Variants in UBE2E2 observed in about 807,000 individuals in gnomAD.
The protein encoded by UBE2E2 is ubiquitin conjugating enzyme E2 E2.
In UBE2E2, 6 loss-of-function variants were observed where a neutral mutation model predicts 24.7. The ratio of observed to expected loss-of-function variants is 0.24; its 90% CI spans 0.13 to 0.48. The LOEUF is 0.48. Among genes scored for constraint, UBE2E2 ranks in the 20% least tolerant of loss-of-function variants. The probability of loss-of-function intolerance (pLI) is 0.99; values close to 1 mark genes in which losing one functional copy is unlikely to be tolerated. For missense variants in UBE2E2, 169 were observed against 245.0 expected, an observed-to-expected ratio of 0.69 and a Z score of 2.07; for synonymous variants, 104 against 83.6, an observed-to-expected ratio of 1.24 and a Z score of -1.33.
intron 3 of UBE2E2, among the ~76,000 whole-genome samples, chr3:23,284,834 A>G (rs1367458654): frequency 6.6e-6 from 1 of 151,694 alleles, no homozygotes; most frequent in Non-Finnish European, 1.5e-5. Flanking sequence ...CAAGTAATCC[A>G]GTTGTACTCC....
At position 23,474,350 on chromosome 3, in the gene UBE2E2, CTGAAG is replaced by C. The variant is rs1447132672; in HGVS notation, c.228-25252_228-25248del. ...ACTCTGTGGGTTATCTGTTTACTGA[CTGAAG>C]TGAAGATTTATTTCTTACAGTCATT... On this transcript the variant is annotated intron_variant, in intron 3 of 5. Coordinates refer to ENST00000396703, the MANE Select transcript of UBE2E2 (RefSeq NM_152653.4). This position sits in a 1 kb window ranked among gnomAD's most constrained non-coding sequence, Gnocchi z 4.0. 2.0e-5 allele frequency among the ~76,000 whole-genome samples: 3 copies of C among 151,956 alleles called. No homozygotes were observed. Among genetic ancestry groups the C allele is most frequent in the Non-Finnish European group, 4.4e-5 (3 of 68,004 alleles).
At chr3:23,388,968 C>CTCCA (rs1696872134) in intron 3 of UBE2E2, among the ~76,000 whole-genome samples, 1 of 148,730 alleles carries the variant, frequency 6.7e-6, no homozygotes, top group South Asian at 2.1e-4. Flanking sequence ...TGCCACTGCA[C>CTCCA]TCCAGCCTGG....
intron 3 of UBE2E2, among the ~76,000 whole-genome samples, chr3:23,405,781 A>T (rs1336804775): frequency 6.6e-6 from 1 of 152,242 alleles, no homozygotes; most frequent in Non-Finnish European, 1.5e-5. Context: ...ATAAAGGTTA[A>T]TATTAATAAT....
chr3:23,571,058 G>A (rs1696207392), intron 5 of UBE2E2, among the ~76,000 whole-genome samples: 1 of 151,898 alleles, frequency 6.6e-6, no homozygotes, highest in South Asian at 2.1e-4. Flanking sequence ...TTCCCACCAT[G>A]CACATAGACA....
intron 5 of UBE2E2, among the ~76,000 whole-genome samples, chr3:23,569,244 T>C (rs556015304): frequency 3.3e-5 from 5 of 152,284 alleles, no homozygotes; most frequent in Admixed American, 1.3e-4. Flanking sequence ...TATTATTCCA[T>C]TTAGGAAAAG....
At chr3:23,266,729 A>T (rs143257589) in intron 3 of UBE2E2, among the ~76,000 whole-genome samples, 28,130 of 152,082 alleles carry the variant, frequency 0.18, 2,770 homozygotes, top group Non-Finnish European at 0.21. Context: ...AGAACTCTCC[A>T]CCCCAAATCA....
At chr3:23,398,193 A>T (rs902376058) in intron 3 of UBE2E2, among the ~76,000 whole-genome samples, 1 of 151,444 alleles carries the variant, frequency 6.6e-6, no homozygotes, top group Non-Finnish European at 1.5e-5. Context: ...GGCGCCTGCG[A>T]TCCCAGCTAC....
intron 3 of UBE2E2, among the ~76,000 whole-genome samples, chr3:23,304,180 C>T (rs952489964): frequency 1.3e-5 from 2 of 152,112 alleles, no homozygotes; most frequent in African/African-American, 2.4e-5. Flanking sequence ...CACTTTTGAC[C>T]GTGGGCAGGT....
At chr3:23,348,787 G>A (rs562787729) in intron 3 of UBE2E2, among the ~76,000 whole-genome samples, 1 of 151,002 alleles carries the variant, frequency 6.6e-6, no homozygotes, top group African/African-American at 2.4e-5. Context: ...ACTGCAGGCT[G>A]TTGCTAGGGT....
intron 3 of UBE2E2, among the ~76,000 whole-genome samples, chr3:23,437,044 C>T (rs568203340): frequency 9.2e-5 from 14 of 152,334 alleles, no homozygotes; most frequent in South Asian, 2.1e-4. Context: ...GACTCCTAAC[C>T]CAGGCCCACA....
At chr3:23,300,895 A>T (rs1052464360) in intron 3 of UBE2E2, among the ~76,000 whole-genome samples, 11 of 152,036 alleles carry the variant, frequency 7.2e-5, no homozygotes, top group African/African-American at 9.7e-5. Context: ...ACTTGGTTCC[A>T]TTCTCCCCGT....
intron 3 of UBE2E2, among the ~76,000 whole-genome samples, chr3:23,433,703 C>G (rs1417568463): frequency 5.3e-5 from 8 of 151,406 alleles, no homozygotes; most frequent in Non-Finnish European, 8.9e-5. Context: ...ATTTAACATT[C>G]CCAAGCTATG....
At chr3:23,331,597 G>A (rs1016529448) in intron 3 of UBE2E2, among the ~76,000 whole-genome samples, 11 of 151,972 alleles carry the variant, frequency 7.2e-5, no homozygotes, top group Non-Finnish European at 1.3e-4. Context: ...GTGAGGAGGG[G>A]ACAAGGTGTG....
At chr3:23,412,182 A>C (rs1162466069) in intron 3 of UBE2E2, among the ~76,000 whole-genome samples, 1 of 152,206 alleles carries the variant, frequency 6.6e-6, no homozygotes, top group Non-Finnish European at 1.5e-5. Flanking sequence ...TGTAATAATT[A>C]ATGTATGTAA....
chr3:23,268,530 C>G lies in UBE2E2; in HGVS notation c.227+51218C>G, dbSNP rs1698126467. Reference sequence around the variant, plus strand: ...GGACCTCTTCAAGGAGAACCACAAACCACTGCTCAATGAAATAAAAGAGGA... The same window carrying G: ...GGACCTCTTCAAGGAGAACCACAAAGCACTGCTCAATGAAATAAAAGAGGA... On this transcript the variant is annotated intron_variant, in intron 3 of 5. Coordinates refer to ENST00000396703, the MANE Select transcript of UBE2E2 (RefSeq NM_152653.4). Among the ~76,000 whole-genome samples, 3 of 147,226 alleles carry G rather than the reference C, an allele frequency of 2.0e-5. No individual in the cohort carries two copies. In the South Asian group the frequency reaches 6.6e-4, roughly 33 times the overall value.
At chr3:23,480,212 C>T (rs1406854275) in intron 3 of UBE2E2, among the ~76,000 whole-genome samples, 1 of 152,220 alleles carries the variant, frequency 6.6e-6, no homozygotes, top group African/African-American at 2.4e-5. Flanking sequence ...GCCTGTGCAG[C>T]AGGGGGCTGG....
At chr3:23,557,056 C>T (rs577592616) in intron 5 of UBE2E2, among the ~76,000 whole-genome samples, 214 of 152,268 alleles carry the variant, frequency 1.4e-3, no homozygotes, top group African/African-American at 4.9e-3. Flanking sequence ...ACTCCTAATA[C>T]TAAACATTGA....
At chr3:23,521,889 C>T (rs1359261759) in intron 4 of UBE2E2, among the ~76,000 whole-genome samples, 10 of 135,548 alleles carry the variant, frequency 7.4e-5, no homozygotes, top group Admixed American at 4.5e-4. Flanking sequence ...TCCCCGTGTA[C>T]CCCCCACCCC....
chr3:23,436,934 T>A, intron 3 of UBE2E2, among the ~76,000 whole-genome samples: 1 of 152,170 alleles, frequency 6.6e-6, no homozygotes, highest in East Asian at 1.9e-4. Flanking sequence ...ACAAGACATT[T>A]AAAAAATAAT....
Sources: gnomAD v4.1 joint callset for allele counts (sites outside exome capture counted in the v4.1 genomes callset) on GRCh38, gnomAD v4.1.1 for gene constraint, Gnocchi (gnomAD v3.1) non-coding constraint, MANE v1.5 for transcripts, NCBI Gene and HGNC (gene_info 2026-07-23, HGNC 2026-07-21) for gene names.